KIF11: variants seen among roughly 807,000 people sequenced by gnomAD.
KIF11 encodes the protein kinesin-like protein KIF11.
A neutral mutation model predicts 121.0 loss-of-function variants in KIF11; 9 were observed. The ratio of observed to expected loss-of-function variants is 0.07; its 90% CI spans 0.04 to 0.13. The LOEUF is 0.13. Ranked by LOEUF, KIF11 falls within the 10% of genes least tolerant of loss-of-function variation. KIF11 has a pLI of 1.00. For synonymous variants in KIF11, 408 were observed against 421.0 expected (o/e 0.97, Z 0.38); for missense variants, 846 against 1,217.5 (o/e 0.69, Z 4.54).
In KIF11 at chr10:92,607,219, A is replaced by G; in HGVS notation, c.369A>G (p.Glu123=). The G allele has an allele frequency of 1.2e-6, 2 of 1,600,646 alleles. No homozygotes were observed. Among genetic ancestry groups the G allele is most frequent in the Non-Finnish European group, 1.7e-6 (2 of 1,168,606 alleles). ...TGGAAGGTGAAAGGTCACCTAATGA[A>G]GAGTATACCTGGGAAGAGGTATTTA... The part of the protein sequence containing the change: ...FTMEGERSPN[E]EYTWEEDPLA... Residue 123 remains glutamate, a synonymous_variant, in exon 4 of 22, where the codon GAA becomes GAG. Transcript: ENST00000260731.
intron 10 of KIF11, among the ~76,000 whole-genome samples, chr10:92,625,305 C>T (rs982364683): frequency 6.6e-6 from 1 of 151,400 alleles, no homozygotes; most frequent in Non-Finnish European, 1.5e-5. Context: ...TGCTTCTTAG[C>T]CACATATATG....
At chr10:92,607,013 G>T in intron 3 of KIF11, 146 bp from the exon 4 acceptor site, 1 of 610,746 alleles carries the variant, frequency 1.6e-6, no homozygotes, top group Non-Finnish European at 2.9e-6. Flanking sequence ...CGGACCTCAG[G>T]TGATCCGCCC....
At position 92,655,158 on chromosome 10, in the gene KIF11, G is replaced by A. The variant is rs1845032726; in HGVS notation, c.*1362G>A. On this transcript the variant is annotated 3_prime_UTR_variant, in exon 22 of 22. Coordinates refer to ENST00000260731, the MANE Select transcript of KIF11 (RefSeq NM_004523.4). ...TACAAAGAATAAATTTTCTGCTCACGATGAGTTTAGTGTGTAAAGTTTAGA... is the reference window on the plus strand; with the variant it reads ...TACAAAGAATAAATTTTCTGCTCACAATGAGTTTAGTGTGTAAAGTTTAGA... The A allele has an allele frequency of 6.6e-6, 1 of 152,498 alleles. No individual in the cohort carries two copies. Among genetic ancestry groups the A allele is most frequent in the Non-Finnish European group, 1.5e-5 (1 of 68,022 alleles). The allele number at this position is 152,498 out of a possible 1,614,324, so 9.4% of individuals were successfully genotyped here. A position where few individuals can be genotyped will look rare whatever the true frequency, so the allele number is the denominator to read the frequency against.
Position 92,650,534 on chromosome 10 carries a change from A to G in KIF11, c.3039+17A>G. On this transcript the variant is annotated intron_variant, in intron 21 of 21. Transcript: ENST00000260731. ...TTTTTCCAGGTATGTCATATCAGATAACCCTTCCACATCTGATGTAAGTCA... is the reference window on the plus strand; with the variant it reads ...TTTTTCCAGGTATGTCATATCAGATGACCCTTCCACATCTGATGTAAGTCA... 7.7e-7 allele frequency: 1 copy of G among 1,303,528 alleles called. No homozygotes were observed. The highest frequency in any genetic ancestry group is 1.1e-6 in the Non-Finnish European group (1 of 896,734). 80.7% of individuals were successfully genotyped at this position (1,303,528 alleles called of 1,614,324 possible).
In KIF11 at chr10:92,632,172, CT is replaced by C. The variant is rs532978233; in HGVS notation, c.1495-303del. ...CTTCTGATACAATGTCTAAAATTGA[CT>C]TTTTTTTTTTGAGACAGAGTCTCTC... On this transcript the variant is annotated intron_variant, in intron 12 of 21. Transcript: ENST00000260731. 2.2e-4 allele frequency among the ~76,000 whole-genome samples: 32 copies of C among 147,154 alleles called. 1 individual carries two copies. Among genetic ancestry groups the C allele is most frequent in the East Asian group, 6.0e-4 (3 of 5,030 alleles).
At position 92,593,555 on chromosome 10, in the gene KIF11, C is replaced by T. The variant is rs888674567; in HGVS notation, c.77+103C>T. The T allele has an allele frequency of 7.1e-6, 7 of 990,190 alleles. No homozygotes were observed. In the African/African-American group the frequency reaches 8.2e-5, roughly 12 times the overall value. 61.3% of individuals were successfully genotyped at this position (990,190 alleles called of 1,614,324 possible). ...ATTTTATTTGCATTTCCTGAGGGTC[C>T]CAGTTTCTTGGTTCTCCGCGTTCTG... On this transcript the variant is annotated intron_variant, in intron 1 of 21. Transcript: ENST00000260731.
chr10:92,632,937 C>T lies in KIF11; in HGVS notation c.1702+244C>T, dbSNP rs548950518. On this transcript the variant is annotated intron_variant, in intron 13 of 21. Coordinates refer to ENST00000260731, the MANE Select transcript of KIF11 (RefSeq NM_004523.4). ...TTTATTAAGTAACTAAGTATATAAA[C>T]GTTAGAAGTAGAAGTCCTCTTTTTC... Among the ~76,000 whole-genome samples the T allele has an allele frequency of 2.8e-5, 4 of 141,812 alleles. No homozygotes were observed. In the South Asian group the frequency reaches 7.8e-4, roughly 28 times the overall value. The allele number at this position is 141,812 out of a possible 152,430, so 93.0% of individuals were successfully genotyped here.
At chr10:92,623,543 G>T (rs1304945358) in intron 10 of KIF11, among the ~76,000 whole-genome samples, 2 of 152,076 alleles carry the variant, frequency 1.3e-5, no homozygotes, top group East Asian at 3.8e-4. Context: ...CTTTTTTGTA[G>T]ATGTTAACAC....
At chr10:92,634,129 G>A (rs902521702) in intron 14 of KIF11, among the ~76,000 whole-genome samples, 7 of 151,342 alleles carry the variant, frequency 4.6e-5, no homozygotes, top group African/African-American at 1.5e-4. Context: ...GACTACAGGC[G>A]CCCACCACCA....
chr10:92,612,161 C>T (rs765986187), intron 6 of KIF11, among the ~76,000 whole-genome samples: 6 of 150,788 alleles, frequency 4.0e-5, no homozygotes, highest in African/African-American at 9.8e-5. Context: ...TTTGAGACAG[C>T]GTCTCACTTT....
chr10:92,594,409 C>T (rs2135893186), intron 1 of KIF11, among the ~76,000 whole-genome samples: 1 of 152,282 alleles, frequency 6.6e-6, no homozygotes, highest in Admixed American at 6.5e-5. Context: ...AATCTTAAGT[C>T]TAGCCAGTGA....
chr10:92,609,283 AGAGAGAGAGAGAGAGAGAGAGT>A (rs1282363266), intron 5 of KIF11, 78 bp downstream of exon 5: 4 of 1,255,960 alleles, frequency 3.2e-6, no homozygotes, highest in East Asian at 4.9e-5. Flanking sequence ...AGAGAGAGAG[AGAGAGAGAGAGAGAGAGAGAGT>A]GTGTGTGTGT....
At chr10:92,628,979 CCTT>C (rs1844706225) in intron 11 of KIF11, 84 bp downstream of exon 11, 1 of 799,178 alleles carries the variant, frequency 1.3e-6, no homozygotes, top group South Asian at 1.7e-5. Flanking sequence ...AATATTTTTT[CCTT>C]CAAGATTTTT....
chr10:92,652,492 C>T (rs1844999335), intron 21 of KIF11, among the ~76,000 whole-genome samples: 1 of 152,158 alleles, frequency 6.6e-6, no homozygotes, highest in Non-Finnish European at 1.5e-5. Context: ...TCTAAAGATT[C>T]TCCATCCCTG....
At position 92,625,607 on chromosome 10, in the gene KIF11, C is replaced by T. The variant is rs56347402; in HGVS notation, c.1218-3201C>T. 9.7e-3 allele frequency among the ~76,000 whole-genome samples: 1,475 copies of T among 152,182 alleles called. 23 individuals carry two copies. The highest frequency in any genetic ancestry group is 0.034 in the African/African-American group (1,412 of 41,516). On this transcript the variant is annotated intron_variant, in intron 10 of 21. Coordinates refer to ENST00000260731, the MANE Select transcript of KIF11 (RefSeq NM_004523.4). ...CAAGTGATCTGCCCACCTCCGCCTC[C>T]CAAACTGCTGGGATTACAGGTGTTA... is the stretch of plus-strand genomic sequence containing the variant.
At chr10:92,607,683 A>G (rs750486265) in intron 4 of KIF11, among the ~76,000 whole-genome samples, 1 of 152,182 alleles carries the variant, frequency 6.6e-6, no homozygotes, top group East Asian at 1.9e-4. Flanking sequence ...AGCATATACT[A>G]TGTTTTACAA....
At chr10:92,600,521 T>C (rs1844356925) in intron 1 of KIF11, among the ~76,000 whole-genome samples, 1 of 152,126 alleles carries the variant, frequency 6.6e-6, no homozygotes, top group Admixed American at 6.5e-5. Context: ...TATTTTTTTT[T>C]CTTTTGAGAC....
At chr10:92,640,807 T>C (rs1320588672) in intron 17 of KIF11, among the ~76,000 whole-genome samples, 6 of 150,724 alleles carry the variant, frequency 4.0e-5, no homozygotes, top group Admixed American at 3.3e-4. Context: ...AGTGCAGTGG[T>C]GTGATCTTGG....
chr10:92,628,704 TG>T (rs1217569014), intron 10 of KIF11, 103 bp from the exon 11 acceptor site: 1 of 573,842 alleles, frequency 1.7e-6, no homozygotes, highest in East Asian at 3.1e-5. Flanking sequence ...TGGTGATAAA[TG>T]TTGGAAATGA....
Sources: gnomAD v4.1 joint callset for allele counts (sites outside exome capture counted in the v4.1 genomes callset) on GRCh38, gnomAD v4.1.1 for gene constraint, MANE v1.5 for transcripts, NCBI Gene and HGNC (gene_info 2026-07-23, HGNC 2026-07-21) for gene names.